The following GPR158 variants were observed in gnomAD, a reference collection of about 807,000 sequenced individuals.
The protein encoded by GPR158 is G protein-coupled receptor 158.
A neutral mutation model predicts 78.2 loss-of-function variants in GPR158; 30 were observed. That is an observed-to-expected ratio of 0.38 (90% CI 0.29 to 0.52). The LOEUF is 0.52. GPR158 is among the 20% of genes least tolerant of loss of function. The probability of loss-of-function intolerance (pLI) is 0.83; values close to 1 mark genes in which losing one functional copy is unlikely to be tolerated. For missense variants in GPR158, 1,463 were observed against 1,523.5 expected (o/e 0.96, Z 0.66); for synonymous variants, 581 against 591.1 (o/e 0.98, Z 0.25).
intron 1 of GPR158, among the ~76,000 whole-genome samples, 180 bp from the exon 2 acceptor site, chr10:25,220,872 A>G (rs1170561527): frequency 6.6e-6 from 1 of 152,204 alleles, no homozygotes; most frequent in African/African-American, 2.4e-5. Flanking sequence ...CATAAAGCCA[A>G]TACTTAATGA....
chr10:25,270,822 G>T (rs1049313954), intron 2 of GPR158, among the ~76,000 whole-genome samples: 2 of 152,002 alleles, frequency 1.3e-5, no homozygotes, highest in East Asian at 3.9e-4. Flanking sequence ...CTTTCTAATG[G>T]ATCTCTTTAC....
chr10:25,308,773 CT>C (rs1854721198), intron 2 of GPR158, among the ~76,000 whole-genome samples: 1 of 152,156 alleles, frequency 6.6e-6, no homozygotes, highest in Non-Finnish European at 1.5e-5. Flanking sequence ...ATGATTTTGA[CT>C]GCTTTACATA....
rs115642119 is a variant in GPR158 at position 25,513,506 on chromosome 10, G to T, written c.1405-37470G>T. Reference sequence around the variant, plus strand: ...TGTTTCATTTATCTTTTTTTTTTTGGTTCAATTTTATTTAGCACTGCTCTG... The same window carrying T: ...TGTTTCATTTATCTTTTTTTTTTTGTTTCAATTTTATTTAGCACTGCTCTG... On this transcript the variant is annotated intron_variant, in intron 5 of 10. Transcript: ENST00000376351. Among the ~76,000 whole-genome samples, 446 of 146,312 alleles carry T rather than the reference G, an allele frequency of 3.0e-3. 1 individual carries two copies. The highest frequency in any genetic ancestry group is 9.4e-3 in the African/African-American group (372 of 39,370).
intron 4 of GPR158, among the ~76,000 whole-genome samples, chr10:25,461,252 A>G (rs1835355603): frequency 6.6e-6 from 1 of 152,234 alleles, no homozygotes; most frequent in South Asian, 2.1e-4. Flanking sequence ...GATAGGCTGA[A>G]AACTAGGCCT....
chr10:25,522,880 G>A (rs985666058), intron 5 of GPR158, among the ~76,000 whole-genome samples: 42 of 152,124 alleles, frequency 2.8e-4, no homozygotes, highest in Middle Eastern at 6.8e-3. Context: ...ATTTATACAC[G>A]TATTAATTTG....
chr10:25,476,028 A>G (rs551414625), intron 5 of GPR158: 35 of 152,294 alleles, frequency 2.3e-4, no homozygotes, highest in Admixed American at 1.6e-3. Flanking sequence ...AGTCCAAATT[A>G]GAGATTATCA....
chr10:25,302,494 C>G (rs1302742696), intron 2 of GPR158, among the ~76,000 whole-genome samples: 5 of 152,052 alleles, frequency 3.3e-5, no homozygotes, highest in Non-Finnish European at 7.4e-5. Context: ...CCCTGCGGAT[C>G]TTTTTGGGGG....
chr10:25,379,983 C>A (rs537661602), intron 2 of GPR158, among the ~76,000 whole-genome samples: 40 of 146,098 alleles, frequency 2.7e-4, no homozygotes, highest in African/African-American at 9.6e-4. Context: ...TTTCTTTTTT[C>A]TTTTGTATTT....
chr10:25,354,303 C>T (rs796707645), intron 2 of GPR158, among the ~76,000 whole-genome samples: 22 of 150,084 alleles, frequency 1.5e-4, no homozygotes, highest in East Asian at 4.0e-4. Context: ...TGCAGTGAGC[C>T]GAGATTGTGC....
At chr10:25,213,058 T>C in intron 1 of GPR158, among the ~76,000 whole-genome samples, 1 of 152,216 alleles carries the variant, frequency 6.6e-6, no homozygotes, top group East Asian at 1.9e-4. Context: ...TGAACTTTCT[T>C]ATTCTCATAT....
Position 25,246,175 on chromosome 10 carries a change from A to C in GPR158, c.1008+25018A>C, listed in dbSNP as rs370649267. 1.4e-3 allele frequency among the ~76,000 whole-genome samples: 213 copies of C among 152,326 alleles called. 6 individuals are homozygous for C. In the South Asian group the frequency reaches 0.038, roughly 27 times the overall value. On this transcript the variant is annotated intron_variant, in intron 2 of 10. Transcript: ENST00000376351. The stretch of plus-strand genomic sequence containing the variant: ...CCTTGGGAAAAGCTCATTTACAGTG[A>C]TTTTTAAAATAGCTGTGAGGGCTTG...
At chr10:25,348,428 C>CACACAA (rs1855404872) in intron 2 of GPR158, among the ~76,000 whole-genome samples, 1 of 147,592 alleles carries the variant, frequency 6.8e-6, no homozygotes, top group African/African-American at 2.6e-5. Context: ...CACACACACA[C>CACACAA]ACACACACGG....
Position 25,260,551 on chromosome 10 carries a change from G to GA in GPR158, c.1008+39394_1008+39395insA, listed in dbSNP as rs774422481. Among the ~76,000 whole-genome samples, 468 of 151,864 alleles carry GA rather than the reference G, an allele frequency of 3.1e-3. 6 individuals are homozygous for GA. In the South Asian group the frequency reaches 0.038, roughly 12 times the overall value. On this transcript the variant is annotated intron_variant, in intron 2 of 10. Transcript: ENST00000376351. ...TCTTCCAAAGAATCCAGAGTTCAGG[G>GA]CTAAGACTGACTTGTATTATTCTTT...
chr10:25,323,267 G>C (rs1854982186), intron 2 of GPR158, among the ~76,000 whole-genome samples: 1 of 152,134 alleles, frequency 6.6e-6, no homozygotes, highest in African/African-American at 2.4e-5. Flanking sequence ...AACAGGCAGA[G>C]TCAATTTATT....
In GPR158 at chr10:25,507,634, G is replaced by C. The variant is rs146102771; in HGVS notation, c.1404+40915G>C. Among the ~76,000 whole-genome samples the C allele has an allele frequency of 4.8e-3, 729 of 152,298 alleles. 2 individuals are homozygous for C. Among genetic ancestry groups the C allele is most frequent in the Non-Finnish European group, 7.3e-3 (495 of 68,032 alleles). On this transcript the variant is annotated intron_variant, in intron 5 of 10. Coordinates refer to ENST00000376351, the MANE Select transcript of GPR158 (RefSeq NM_020752.3). ...TCACAAAGGAAGAAAAGATAATACT[G>C]TATCAGGGAAAATCTTTTAAAAAAT...
At chr10:25,194,245 T>C (rs999182832) in intron 1 of GPR158, among the ~76,000 whole-genome samples, 15 of 151,978 alleles carry the variant, frequency 9.9e-5, no homozygotes, top group Non-Finnish European at 1.8e-4. Flanking sequence ...AGGAGTAAGA[T>C]TGGAAGAGCC....
At chr10:25,437,984 A>G (rs887659455) in intron 4 of GPR158, among the ~76,000 whole-genome samples, 1 of 152,206 alleles carries the variant, frequency 6.6e-6, no homozygotes, top group African/African-American at 2.4e-5. Flanking sequence ...GCAGCAGGGA[A>G]CCATGTGTAA....
At chr10:25,261,853 G>C (rs531067963) in intron 2 of GPR158, among the ~76,000 whole-genome samples, 42 of 152,154 alleles carry the variant, frequency 2.8e-4, no homozygotes, top group Non-Finnish European at 4.9e-4. Flanking sequence ...AATTTTGGTA[G>C]AGTTTTGCCA....
chr10:25,517,720 G>A (rs1836200728), intron 5 of GPR158, among the ~76,000 whole-genome samples: 1 of 151,212 alleles, frequency 6.6e-6, no homozygotes, highest in African/African-American at 2.4e-5. Flanking sequence ...CAGGGATGAA[G>A]CCCACTTGAT....
Sources: allele counts gnomAD v4.1 joint callset (sites outside exome capture counted in the v4.1 genomes callset), GRCh38; gene constraint gnomAD v4.1.1; transcripts MANE v1.5; gene names NCBI Gene and HGNC (gene_info 2026-07-23, HGNC 2026-07-21).